Variants in KCNJ4 observed in about 807,000 individuals in gnomAD.
The protein encoded by KCNJ4 is inward rectifier potassium channel 4.
Under a neutral mutation model 25.6 loss-of-function variants are expected in KCNJ4, and 3 were observed. The ratio of observed to expected loss-of-function variants is 0.12; its 90% CI spans 0.05 to 0.30. The LOEUF (loss-of-function observed/expected upper bound fraction) is 0.30. Ranked by LOEUF, KCNJ4 falls within the 10% of genes least tolerant of loss-of-function variation. The pLI is 1.00. For missense variants in KCNJ4, 286 were observed against 666.8 expected (o/e 0.43, Z 6.29); for synonymous variants, 257 against 283.9 (o/e 0.91, Z 0.95).
chr22:38,451,383 T>C (rs968947043), intron 1 of KCNJ4, among the ~76,000 whole-genome samples: 2 of 152,156 alleles, frequency 1.3e-5, no homozygotes, highest in Non-Finnish European at 2.9e-5. Flanking sequence ...GAATGGAGCA[T>C]AAGCTTCCAG....
At position 38,426,707 on chromosome 22, in the gene KCNJ4, G is replaced by T; in HGVS notation, c.*88C>A. ...CAGAAGGTCCACGGAGCCAGGGTTG[G>T]CTCTGTCCTGAGTGTGGGAGGGGGT... On this transcript the variant is annotated 3_prime_UTR_variant, in exon 2 of 2. Coordinates refer to ENST00000303592, the MANE Select transcript of KCNJ4 (RefSeq NM_152868.3). 1.4e-6 allele frequency: 2 copies of T among 1,479,096 alleles called. No individual in the cohort carries two copies. The highest frequency in any genetic ancestry group is 1.8e-6 in the Non-Finnish European group (2 of 1,095,820). The allele number at this position is 1,479,096 out of a possible 1,614,324, so 91.6% of individuals were successfully genotyped here.
At chr22:38,428,646 G>A (rs2093040149) in intron 1 of KCNJ4, among the ~76,000 whole-genome samples, 3 of 152,134 alleles carry the variant, frequency 2.0e-5, no homozygotes, top group African/African-American at 7.2e-5. Context: ...CACTGGCCAC[G>A]TGTGGCTCTT....
At chr22:38,445,489 T>C (rs2089367278) in intron 1 of KCNJ4, among the ~76,000 whole-genome samples, 1 of 152,130 alleles carries the variant, frequency 6.6e-6, no homozygotes, top group Non-Finnish European at 1.5e-5. Context: ...ACTTACTTTA[T>C]ATTTATTTTT....
At chr22:38,429,690 G>T (rs537398724) in intron 1 of KCNJ4, among the ~76,000 whole-genome samples, 2 of 152,232 alleles carry the variant, frequency 1.3e-5, no homozygotes, top group African/African-American at 4.8e-5. Context: ...GATGCGCCTC[G>T]GGCCCGTAGA....
rs748307986 is a variant in KCNJ4 at position 38,449,565 on chromosome 22, C to T, written c.-40+5415G>A. Among the ~76,000 whole-genome samples the T allele has an allele frequency of 2.6e-5, 4 of 152,174 alleles. No homozygotes were observed. Among genetic ancestry groups the T allele is most frequent in the Non-Finnish European group, 4.4e-5 (3 of 68,030 alleles). On this transcript the variant is annotated intron_variant, in intron 1 of 1. Transcript: ENST00000303592. The surrounding 1 kb of genome is among the most constrained non-coding windows in gnomAD (Gnocchi z 5.2). ...GCCTGTGTCTGTGCCTGAGCATGCACGCGCAGGCTGAAAGGGGGCTGCGAG... is the reference window on the plus strand; with the variant it reads ...GCCTGTGTCTGTGCCTGAGCATGCATGCGCAGGCTGAAAGGGGGCTGCGAG...
In KCNJ4 at chr22:38,448,340, C is replaced by T. The variant is rs1240038864; in HGVS notation, c.-40+6640G>A. 3.9e-5 allele frequency among the ~76,000 whole-genome samples: 6 copies of T among 151,924 alleles called. No homozygotes were observed. In the East Asian group the frequency reaches 1.2e-3, roughly 29 times the overall value. ...CCAGGACAGGCAAAACAGGAAAAGG[C>T]TGAGCACGCCCCACCATCCCCATGG... On this transcript the variant is annotated intron_variant, in intron 1 of 1. Transcript: ENST00000303592.
In KCNJ4 at chr22:38,447,672, C is replaced by T. The variant is rs111301522; in HGVS notation, c.-40+7308G>A. Among the ~76,000 whole-genome samples, 17 of 152,234 alleles carry T rather than the reference C, an allele frequency of 1.1e-4. 1 individual carries two copies. The highest frequency in any genetic ancestry group is 4.1e-4 in the African/African-American group (17 of 41,532). On this transcript the variant is annotated intron_variant, in intron 1 of 1. Transcript: ENST00000303592. ...TCCCAGGGGCCAACTCTGCCACCAA[C>T]TTGAAGATGGGCACACCCCTCCCCT...
At chr22:38,450,292 G>C (rs374327682) in intron 1 of KCNJ4, among the ~76,000 whole-genome samples, 1 of 152,058 alleles carries the variant, frequency 6.6e-6, no homozygotes, top group Non-Finnish European at 1.5e-5. Flanking sequence ...TGGGAGGAGC[G>C]CTTTTCGACA....
chr22:38,455,180 G>A lies in KCNJ4; in HGVS notation c.-240C>T, dbSNP rs1474779526. On this transcript the variant is annotated 5_prime_UTR_variant, in exon 1 of 2. Transcript: ENST00000303592. ...GGGTCTTGGGGTCTCCGCGCGTCCC[G>A]GCCGTCCCGCGCCGCTCCCCGCGGG... 1 of 147,644 alleles carries A rather than the reference G, an allele frequency of 6.8e-6. No homozygotes were observed. Among genetic ancestry groups the A allele is most frequent in the African/African-American group, 2.5e-5 (1 of 40,578 alleles). The allele number at this position is 147,644 out of a possible 1,614,324, so 9.1% of individuals were successfully genotyped here.
At chr22:38,428,790 C>T (rs1160054793) in intron 1 of KCNJ4, among the ~76,000 whole-genome samples, 2 of 152,208 alleles carry the variant, frequency 1.3e-5, no homozygotes, top group African/African-American at 2.4e-5. Flanking sequence ...AGTTCTATCA[C>T]TGAGAAATTT....
intron 1 of KCNJ4, among the ~76,000 whole-genome samples, chr22:38,437,954 T>A (rs2089304378): frequency 6.6e-6 from 1 of 151,220 alleles, no homozygotes; most frequent in African/African-American, 2.4e-5. Flanking sequence ...ACTACAAAAA[T>A]TAGGCCAGGC....
chr22:38,431,890 G>A (rs1427056168), intron 1 of KCNJ4, among the ~76,000 whole-genome samples: 2 of 151,968 alleles, frequency 1.3e-5, no homozygotes, highest in African/African-American at 2.4e-5. Context: ...GAAGGCTGAC[G>A]ATGGCAGGAG....
At chr22:38,453,919 C>T (rs1436311042) in intron 1 of KCNJ4, among the ~76,000 whole-genome samples, 2 of 152,192 alleles carry the variant, frequency 1.3e-5, no homozygotes, top group Non-Finnish European at 2.9e-5. Flanking sequence ...ATGCTGCACC[C>T]ATCTCTTACC....
At chr22:38,445,131 G>A (rs961574468) in intron 1 of KCNJ4, among the ~76,000 whole-genome samples, 1 of 152,050 alleles carries the variant, frequency 6.6e-6, no homozygotes, top group Non-Finnish European at 1.5e-5. Flanking sequence ...GGGCAAGCAG[G>A]AGGGCACAAG....
At chr22:38,445,927 G>A (rs2089371362) in intron 1 of KCNJ4, among the ~76,000 whole-genome samples, 1 of 152,184 alleles carries the variant, frequency 6.6e-6, no homozygotes, top group Non-Finnish European at 1.5e-5. Context: ...GTGGGGAATT[G>A]TTGGATGTTA....
chr22:38,436,418 C>CA (rs1333911789), intron 1 of KCNJ4, among the ~76,000 whole-genome samples: 1 of 152,208 alleles, frequency 6.6e-6, no homozygotes, highest in Admixed American at 6.5e-5. Context: ...CTGTTCCACA[C>CA]AGAGCTGGGC....
In KCNJ4 at chr22:38,428,059, T is replaced by C. The variant is rs772737545; in HGVS notation, c.74A>G (p.Asn25Ser). The change falls in exon 2 of 2, where the codon AAC becomes AGC. Residue 25 changes from asparagine to serine, a missense_variant. Asn to Ser is a conservative substitution (Grantham distance 46, BLOSUM62 1). Around this residue, in one of 11 missense-constraint regions of KCNJ4, gnomAD observed 36 missense variants for 103.2 expected, o/e 0.35. Coordinates refer to ENST00000303592, the MANE Select transcript of KCNJ4 (RefSeq NM_152868.3). ...GGCGAAGTACACGTTGCATTGGCCG[T>C]TCTTCTTGACGAAGCGGTTGCGGCG... ...RKRRNRFVKK[N>S]GQCNVYFANL... is the part of the protein sequence containing the mutation. 1 of 1,614,126 alleles carries C rather than the reference T, an allele frequency of 6.2e-7. No individual in the cohort carries two copies.
In KCNJ4 at chr22:38,427,291, G is replaced by A. The variant is rs768019896; in HGVS notation, c.842C>T (p.Ser281Leu). The A allele has an allele frequency of 1.1e-5, 18 of 1,613,736 alleles. No homozygotes were observed. The highest frequency in any genetic ancestry group is 3.3e-5 in the South Asian group (3 of 91,074). Residue 281 changes from serine (S) to leucine (L), a missense_variant, in exon 2 of 2, where the codon TCG (serine) becomes TTG (leucine). This residue lies in a region of KCNJ4 where 39 missense variants were observed against 100.9 expected (regional missense o/e 0.39). Transcript: ENST00000303592. ...GATGACCACGATCTCAAAGTCCTCCGACTCCAGCTCCTCCTTGCCCATGCC... is the reference window on the plus strand; with the variant it reads ...GATGACCACGATCTCAAAGTCCTCCAACTCCAGCTCCTCCTTGCCCATGCC... ...LYGMGKEELE[S>L]EDFEIVVILE...
intron 1 of KCNJ4, among the ~76,000 whole-genome samples, chr22:38,453,084 T>C (rs1485788410): frequency 7.6e-6 from 1 of 130,730 alleles, no homozygotes; most frequent in African/African-American, 3.0e-5. Flanking sequence ...AAGCCTACAC[T>C]GTTCCTCCTC....
Sources: gnomAD v4.1 joint callset for allele counts (sites outside exome capture counted in the v4.1 genomes callset) on GRCh38, gnomAD v4.1.1 for gene constraint, gnomAD v4.1.1 regional missense constraint, Gnocchi (gnomAD v3.1) non-coding constraint, MANE v1.5 for transcripts, NCBI Gene and HGNC (gene_info 2026-07-23, HGNC 2026-07-21) for gene names.